The following ULK4 variants were observed in gnomAD, a reference collection of about 807,000 sequenced individuals.
ULK4 encodes inactive serine/threonine-protein kinase ULK4.
ULK4 carries 133 observed loss-of-function variants against 160.6 expected under a neutral mutation model. The ratio of observed to expected loss-of-function variants is 0.83; its 90% CI spans 0.72 to 0.96. ULK4 has a LOEUF of 0.96. Ranked by LOEUF, ULK4 falls within the 40% of genes least tolerant of loss-of-function variation. ULK4 has a pLI of 0.00. For synonymous variants in ULK4, 534 were observed against 539.8 expected (o/e 0.99, Z 0.15); for missense variants, 1,580 against 1,499.5 (o/e 1.05, Z -0.89).
intron 35 of ULK4, among the ~76,000 whole-genome samples, chr3:41,378,118 G>C (rs1279014249): frequency 1.3e-5 from 2 of 150,204 alleles, no homozygotes; most frequent in African/African-American, 4.9e-5. Flanking sequence ...GTAAACTATT[G>C]CAAGAACAAA....
chr3:41,867,515 G>T (rs916090421), intron 17 of ULK4, among the ~76,000 whole-genome samples: 3 of 152,174 alleles, frequency 2.0e-5, no homozygotes, highest in African/African-American at 4.8e-5. Context: ...GGGATTACCG[G>T]TGTGTACCAC....
chr3:41,648,712 G>C (rs2034611929), intron 30 of ULK4, among the ~76,000 whole-genome samples: 1 of 152,088 alleles, frequency 6.6e-6, no homozygotes, highest in South Asian at 2.1e-4. Flanking sequence ...CTCCTTTAGG[G>C]AATGTTGAGG....
intron 31 of ULK4, among the ~76,000 whole-genome samples, chr3:41,596,290 A>G (rs1254569573): frequency 6.6e-6 from 1 of 152,242 alleles, no homozygotes; most frequent in Non-Finnish European, 1.5e-5. Flanking sequence ...TAGTCAGGTC[A>G]TTTAAAGAGA....
chr3:41,845,859 T>TA (rs1342259562), intron 17 of ULK4, among the ~76,000 whole-genome samples: 2 of 152,188 alleles, frequency 1.3e-5, no homozygotes, highest in East Asian at 3.8e-4. Context: ...AAGTTTAATT[T>TA]AAAAAACTGT....
chr3:41,423,755 G>A (rs1183705377), intron 34 of ULK4, among the ~76,000 whole-genome samples: 1 of 151,944 alleles, frequency 6.6e-6, no homozygotes, highest in Non-Finnish European at 1.5e-5. Flanking sequence ...TGGTACAACA[G>A]CCCACCTGAG....
intron 29 of ULK4, among the ~76,000 whole-genome samples, chr3:41,677,885 T>C (rs1469747071): frequency 6.6e-6 from 1 of 152,068 alleles, no homozygotes; most frequent in Non-Finnish European, 1.5e-5. Flanking sequence ...GGGAAGCAAA[T>C]GGTCCTCCCT....
chr3:41,390,616 T>C (rs1316158354), intron 35 of ULK4, among the ~76,000 whole-genome samples: 5 of 152,228 alleles, frequency 3.3e-5, no homozygotes, highest in South Asian at 2.1e-4. Context: ...GCCTTCATTT[T>C]GTTATGTACC....
intron 27 of ULK4, among the ~76,000 whole-genome samples, chr3:41,692,781 GA>G (rs2036353595): frequency 6.6e-6 from 1 of 152,144 alleles, no homozygotes; most frequent in Non-Finnish European, 1.5e-5. Flanking sequence ...GAGACCTACT[GA>G]ACTTTTTGAA....
At chr3:41,384,208 G>A (rs1047536561) in intron 35 of ULK4, among the ~76,000 whole-genome samples, 1 of 151,966 alleles carries the variant, frequency 6.6e-6, no homozygotes, top group African/African-American at 2.4e-5. Flanking sequence ...CACTATCAAT[G>A]GGACATTCTG....
At position 41,679,691 on chromosome 3, in the gene ULK4, T is replaced by C. The variant is rs115423379; in HGVS notation, c.2978+1817A>G. 4.7e-3 allele frequency among the ~76,000 whole-genome samples: 712 copies of C among 152,266 alleles called. 8 individuals carry two copies. Among genetic ancestry groups the C allele is most frequent in the African/African-American group, 0.016 (664 of 41,550 alleles). On this transcript the variant is annotated intron_variant, in intron 29 of 36. Transcript: ENST00000301831. Reference sequence around the variant, plus strand: ...TTTATTTCACAAACTGTTCCAAAACTGGGCAGACTTCAGATATACAGAAAT... The same window carrying C: ...TTTATTTCACAAACTGTTCCAAAACCGGGCAGACTTCAGATATACAGAAAT...
chr3:41,549,127 A>C (rs894965181), intron 32 of ULK4, among the ~76,000 whole-genome samples: 1 of 152,218 alleles, frequency 6.6e-6, no homozygotes, highest in Non-Finnish European at 1.5e-5. Context: ...TAAGGACATA[A>C]GAGAAATGAA....
intron 19 of ULK4, among the ~76,000 whole-genome samples, chr3:41,803,574 T>C (rs1348456794): frequency 2.6e-5 from 4 of 152,144 alleles, no homozygotes; most frequent in South Asian, 4.1e-4. Context: ...CATGCTGGTG[T>C]GCTGCACCCA....
At chr3:41,847,748 T>C (rs571653391) in intron 17 of ULK4, among the ~76,000 whole-genome samples, 3 of 152,350 alleles carry the variant, frequency 2.0e-5, no homozygotes, top group East Asian at 3.9e-4. Context: ...ATCCATGTTC[T>C]ATTTTATTTG....
At chr3:41,418,096 C>T (rs2082570464) in intron 34 of ULK4, among the ~76,000 whole-genome samples, 1 of 152,260 alleles carries the variant, frequency 6.6e-6, no homozygotes, top group East Asian at 1.9e-4. Flanking sequence ...TTAGTCCAAG[C>T]TCCTTTGCCT....
At chr3:41,833,088 T>C (rs2125649806) in intron 18 of ULK4, among the ~76,000 whole-genome samples, 2 of 152,332 alleles carry the variant, frequency 1.3e-5, no homozygotes, top group Middle Eastern at 3.4e-3. Flanking sequence ...GGTAGTTTGA[T>C]GGAAATAGCA....
intron 21 of ULK4, among the ~76,000 whole-genome samples, chr3:41,757,771 C>A (rs1242604980): frequency 6.6e-6 from 1 of 151,624 alleles, no homozygotes; most frequent in African/African-American, 2.4e-5. Flanking sequence ...GTAGCTGGGA[C>A]TACAGGTGCG....
At chr3:41,795,832 G>C (rs777584689) in intron 20 of ULK4, among the ~76,000 whole-genome samples, 17 of 152,192 alleles carry the variant, frequency 1.1e-4, no homozygotes, top group Non-Finnish European at 2.5e-4. Context: ...TGGTCCAGGT[G>C]AGAGATGGCA....
At position 41,477,528 on chromosome 3, in the gene ULK4, C is replaced by CA. The variant is rs2084179615; in HGVS notation, c.3227-14276dup. Among the ~76,000 whole-genome samples, 4 of 152,288 alleles carry CA rather than the reference C, an allele frequency of 2.6e-5. No homozygotes were observed. In the South Asian group the frequency reaches 8.3e-4, roughly 32 times the overall value. On this transcript the variant is annotated intron_variant, in intron 32 of 36. Coordinates refer to ENST00000301831, the MANE Select transcript of ULK4 (RefSeq NM_017886.4). ...GGGTTTGTTAAAATCAACCTAAACA[C>CA]ACAATCTGGAAAAGAAGTATAAAAG...
intron 35 of ULK4, among the ~76,000 whole-genome samples, chr3:41,256,714 A>T (rs1332777612): frequency 6.6e-6 from 1 of 152,238 alleles, no homozygotes; most frequent in Non-Finnish European, 1.5e-5. Flanking sequence ...CCCTTAAAAA[A>T]ATTATAAATT....
Sources: allele counts gnomAD v4.1 joint callset (sites outside exome capture counted in the v4.1 genomes callset), GRCh38; gene constraint gnomAD v4.1.1; transcripts MANE v1.5; gene names NCBI Gene and HGNC (gene_info 2026-07-23, HGNC 2026-07-21).